MATCAP2: variants seen among roughly 807,000 people sequenced by gnomAD.
MATCAP2 encodes putative tyrosine carboxypeptidase MATCAP2.
At chr7:36,352,226 T>G in the MATCAP2 span, among the ~76,000 whole-genome samples, 2 of 149,930 alleles carry the variant, frequency 1.3e-5, no homozygotes, top group South Asian at 4.2e-4. Flanking sequence ...CGAAACCCTG[T>G]CTCTACTAAA....
chr7:36,367,306 C>G, the MATCAP2 span: 2 of 1,013,080 alleles, frequency 2.0e-6, no homozygotes, highest in East Asian at 1.8e-4. Flanking sequence ...GCTCGTGCGA[C>G]GAAGGCCCGC....
the MATCAP2 span, among the ~76,000 whole-genome samples, chr7:36,370,060 A>C: frequency 6.6e-6 from 1 of 152,240 alleles, no homozygotes; most frequent in Non-Finnish European, 1.5e-5. Flanking sequence ...TGTATTATTG[A>C]AGCACTCTTG....
the MATCAP2 span, among the ~76,000 whole-genome samples, chr7:36,333,128 G>A: frequency 2.0e-3 from 312 of 152,250 alleles, 1 homozygote; most frequent in African/African-American, 6.9e-3. Flanking sequence ...AGACAGCAGC[G>A]GATCTCCCAG....
the MATCAP2 span, among the ~76,000 whole-genome samples, chr7:36,330,760 C>T: frequency 6.6e-6 from 1 of 152,044 alleles, no homozygotes; most frequent in Non-Finnish European, 1.5e-5. Context: ...ATATGTATTC[C>T]CAAATTTCCT....
chr7:36,379,847 C>CACACACAGAGAGAGAGAGAGAGAG, the MATCAP2 span, among the ~76,000 whole-genome samples: 1 of 107,700 alleles, frequency 9.3e-6, no homozygotes, highest in East Asian at 3.0e-4. Context: ...CACACACACA[C>CACACACAGAGAGAGAGAGAGAGAG]AGAGAGAGAG....
chr7:36,351,241 C>T, the MATCAP2 span, among the ~76,000 whole-genome samples: 2 of 151,800 alleles, frequency 1.3e-5, no homozygotes, highest in African/African-American at 4.8e-5. Flanking sequence ...ACTAAAAGTA[C>T]AAAAATTAGC....
chr7:36,332,947 G>T, the MATCAP2 span, among the ~76,000 whole-genome samples: 8 of 152,000 alleles, frequency 5.3e-5, no homozygotes, highest in Admixed American at 3.9e-4. Context: ...AGTAGAGACT[G>T]CCTCTCTAGA....
At chr7:36,383,551 A>T in the MATCAP2 span, among the ~76,000 whole-genome samples, 1 of 152,186 alleles carries the variant, frequency 6.6e-6, no homozygotes, top group Admixed American at 6.5e-5. Flanking sequence ...TTCTCAGCAA[A>T]CTAACACAGG....
chr7:36,374,666 C>A, the MATCAP2 span, among the ~76,000 whole-genome samples: 1 of 152,234 alleles, frequency 6.6e-6, no homozygotes, highest in East Asian at 1.9e-4. Context: ...TTAGGTATTT[C>A]TCCTAATGCT....
the MATCAP2 span, among the ~76,000 whole-genome samples, chr7:36,370,569 C>A: frequency 6.6e-6 from 1 of 152,160 alleles, no homozygotes. Context: ...GCAACCTCTG[C>A]CTCCTGGGTT....
chr7:36,325,702 G>GC, the MATCAP2 span: 1 of 152,130 alleles, frequency 6.6e-6, no homozygotes, highest in Non-Finnish European at 1.5e-5. Context: ...ACAAAGCTAG[G>GC]CTAGCAGGAG....
At chr7:36,357,393 A>C in the MATCAP2 span, 1 of 1,614,116 alleles carries the variant, frequency 6.2e-7, no homozygotes, top group African/African-American at 1.3e-5. Context: ...GTGGAGGAAG[A>C]CTGTTTTTGT....
chr7:36,343,312 T>C, the MATCAP2 span, among the ~76,000 whole-genome samples: 3 of 131,612 alleles, frequency 2.3e-5, no homozygotes, highest in Non-Finnish European at 4.8e-5. Flanking sequence ...GCCTGGTCAA[T>C]ATAATGAGAC....
chr7:36,334,132 GGTT>G, the MATCAP2 span: 10 of 1,613,518 alleles, frequency 6.2e-6, no homozygotes, highest in Non-Finnish European at 8.5e-6. Context: ...GGCTGCTGGA[GGTT>G]GTTAATACCT....
chr7:36,339,587 T>C, the MATCAP2 span, among the ~76,000 whole-genome samples: 8 of 152,330 alleles, frequency 5.3e-5, no homozygotes, highest in African/African-American at 1.4e-4. Flanking sequence ...GATTAATCCA[T>C]ATGACAACTA....
chr7:36,341,268 C>T, the MATCAP2 span, among the ~76,000 whole-genome samples: 4 of 152,118 alleles, frequency 2.6e-5, no homozygotes, highest in African/African-American at 9.6e-5. Context: ...TATATCATCA[C>T]TTATGTTAAT....
chr7:36,377,321 G>C, the MATCAP2 span, among the ~76,000 whole-genome samples: 1 of 152,194 alleles, frequency 6.6e-6, no homozygotes, highest in African/African-American at 2.4e-5. Flanking sequence ...CTCAGCATTT[G>C]TTTGTTTATA....
the MATCAP2 span, among the ~76,000 whole-genome samples, chr7:36,342,109 T>C: frequency 1.3e-5 from 2 of 152,188 alleles, no homozygotes; most frequent in South Asian, 2.1e-4. Context: ...TTAGAAAATA[T>C]TTCAGTGTTT....
chr7:36,362,977 C>T, the MATCAP2 span, among the ~76,000 whole-genome samples: 2 of 152,154 alleles, frequency 1.3e-5, no homozygotes, highest in African/African-American at 4.8e-5. Context: ...TTACAACATA[C>T]ATCTGTGTTT....
Sources: gnomAD v4.1 joint callset for allele counts (sites outside exome capture counted in the v4.1 genomes callset) on GRCh38, gnomAD v4.1.1 for gene constraint, MANE v1.5 for transcripts, NCBI Gene and HGNC (gene_info 2026-07-23, HGNC 2026-07-21) for gene names.